The following COA8 variants were observed in gnomAD, a reference collection of about 807,000 sequenced individuals.
The protein encoded by COA8 is UPF0671 protein C14orf153.
A neutral mutation model predicts 22.0 loss-of-function variants in COA8; 20 were observed. The observed-to-expected ratio is 0.91, with a 90% CI of 0.64 to 1.32. COA8 has a LOEUF of 1.32. Ranked by LOEUF, COA8 falls within the 40% of genes most tolerant of loss-of-function variation. COA8 has a pLI of 0.00. For synonymous variants in COA8, 105 were observed against 79.9 expected (o/e 1.31, Z -1.68); for missense variants, 266 against 230.0 (o/e 1.16, Z -1.01).
chr14:103,564,473 C>T (rs1429925826), intron 1 of COA8, among the ~76,000 whole-genome samples: 1 of 151,882 alleles, frequency 6.6e-6, no homozygotes, highest in Non-Finnish European at 1.5e-5. Context: ...CAAGACATTT[C>T]CCGGGCGGGG....
chr14:103,569,264 T>C (rs921071374), intron 1 of COA8, among the ~76,000 whole-genome samples: 8 of 152,210 alleles, frequency 5.3e-5, no homozygotes, highest in African/African-American at 9.6e-5. Context: ...GTCCTCGCTT[T>C]TAAATAGTAG....
At chr14:103,574,309 C>G (rs1384862020) in intron 3 of COA8, 139 bp downstream of exon 3, 11 of 1,162,150 alleles carry the variant, frequency 9.5e-6, no homozygotes, top group African/African-American at 1.5e-5. Flanking sequence ...CTCGGCACAC[C>G]CCTGTCCAAG....
chr14:103,584,269 G>T (rs1023949798), intron 3 of COA8, among the ~76,000 whole-genome samples: 2 of 152,194 alleles, frequency 1.3e-5, no homozygotes, highest in South Asian at 4.1e-4. Context: ...TTTTATGGAG[G>T]TCTCATGAGG....
chr14:103,580,942 A>G (rs996667159), intron 3 of COA8, among the ~76,000 whole-genome samples: 1 of 151,948 alleles, frequency 6.6e-6, no homozygotes, highest in Non-Finnish European at 1.5e-5. Context: ...CATTATAGGC[A>G]TGTGCCACCA....
In COA8 at chr14:103,581,610, A is replaced by G. The variant is rs1187411015; in HGVS notation, c.386-5664A>G. On this transcript the variant is annotated intron_variant, in intron 3 of 4. Transcript: ENST00000409074. This position sits in a 1 kb window ranked among gnomAD's most constrained non-coding sequence, Gnocchi z 4.1. ...GGTAACTGAAACCATGGAAAGAAAA[A>G]CCATGGATGGAGGGGACAGCTGTGC... 1 of 398,690 alleles carries G rather than the reference A, an allele frequency of 2.5e-6. No individual in the cohort carries two copies. The highest frequency in any genetic ancestry group is 4.4e-5 in the Admixed American group (1 of 22,716). 24.7% of individuals were successfully genotyped at this position (398,690 alleles called of 1,614,324 possible).
chr14:103,579,304 T>C, intron 3 of COA8: 1 of 181,224 alleles, frequency 5.5e-6, no homozygotes, highest in Non-Finnish European at 1.2e-5. Context: ...GATTGAAAAA[T>C]ATTGAAAACA....
intron 3 of COA8, chr14:103,574,541 T>C (rs764851980): frequency 1.1e-4 from 49 of 447,748 alleles, no homozygotes; most frequent in Non-Finnish European, 2.1e-4. Flanking sequence ...CTGGTGTCAG[T>C]GTTAGGCCTG....
At chr14:103,582,753 T>TTTTTTTTTA (rs2076277852) in intron 3 of COA8, among the ~76,000 whole-genome samples, 3 of 150,856 alleles carry the variant, frequency 2.0e-5, no homozygotes, top group African/African-American at 7.3e-5. Context: ...TTTTTTTTTT[T>TTTTTTTTTA]GAGATGGAGT....
chr14:103,587,397 T>A, intron 4 of COA8, 33 bp downstream of exon 4: 1 of 1,466,296 alleles, frequency 6.8e-7, no homozygotes, highest in African/African-American at 1.4e-5. Context: ...AAAATTTGAA[T>A]AGCACATCCA....
chr14:103,587,029 T>A (rs1011621641), intron 3 of COA8, among the ~76,000 whole-genome samples: 19 of 152,178 alleles, frequency 1.2e-4, no homozygotes, highest in Admixed American at 6.6e-4. Context: ...AGTGTACACA[T>A]CTTACACGTC....
chr14:103,582,737 C>CTTT lies in COA8; in HGVS notation c.386-4523_386-4521dup, dbSNP rs61102383. Among the ~76,000 whole-genome samples the CTTT allele has an allele frequency of 5.0e-3, 604 of 120,908 alleles. 33 individuals are homozygous for CTTT. Among genetic ancestry groups the CTTT allele is most frequent in the African/African-American group, 0.015 (434 of 29,642 alleles). 79.3% of individuals were successfully genotyped at this position (120,908 alleles called of 152,430 possible). On this transcript the variant is annotated intron_variant, in intron 3 of 4. Transcript: ENST00000409074. ...TCACATACCATAAAATTCACCCTGC[C>CTTT]TTTTTTTTTTTTTTTTGAGATGGAG...
chr14:103,577,009 T>C (rs932777938), intron 3 of COA8, among the ~76,000 whole-genome samples: 2 of 152,194 alleles, frequency 1.3e-5, no homozygotes, highest in African/African-American at 2.4e-5. Context: ...ATAACACACA[T>C]TTATAGACAA....
At position 103,590,194 on chromosome 14, in the gene COA8, C is replaced by T. The variant is rs750908081; in HGVS notation, c.490C>T (p.Arg164Cys). 5.6e-6 allele frequency: 9 copies of T among 1,613,886 alleles called. No homozygotes were observed. Among genetic ancestry groups the T allele is most frequent in the South Asian group, 2.2e-5 (2 of 91,080 alleles). ...HMYYNRDWYK[R>C]NFAITFFMGK... Reference sequence around the variant, plus strand: ...GTTTCTCTACAGAGATTGGTACAAGCGCAATTTTGCCATCACCTTCTTCAT... The same window carrying T: ...GTTTCTCTACAGAGATTGGTACAAGTGCAATTTTGCCATCACCTTCTTCAT... Residue 164 changes from arginine (R) to cysteine (C), a missense_variant, in exon 5 of 5, where the codon CGC becomes TGC. Physicochemically the swap from Arg to Cys is radical, Grantham distance 180. Coordinates refer to ENST00000409074, the MANE Select transcript of COA8 (RefSeq NM_001370595.2).
At chr14:103,565,124 T>A (rs73361335) in intron 1 of COA8, among the ~76,000 whole-genome samples, 3,863 of 151,722 alleles carry the variant, frequency 0.025, 166 homozygotes, top group African/African-American at 0.088. Context: ...CCTGGTTAAT[T>A]TTTTTTTCTT....
rs547342566 is a variant in COA8, at chr14:103,574,428, T to C, written c.385+258T>C. The C allele has an allele frequency of 3.2e-5, 20 of 628,334 alleles. No individual in the cohort carries two copies. In the East Asian group the frequency reaches 6.0e-4, roughly 19 times the overall value. 38.9% of individuals were successfully genotyped at this position (628,334 alleles called of 1,614,324 possible). ...ATGACCAACCTCTGACCTTTGACTTTCGTACTGAGGTCTCAGCCTTTGCAG... is the reference window on the plus strand; with the variant it reads ...ATGACCAACCTCTGACCTTTGACTTCCGTACTGAGGTCTCAGCCTTTGCAG... On this transcript the variant is annotated intron_variant, in intron 3 of 4. Transcript: ENST00000409074.
chr14:103,574,272 C>A, intron 3 of COA8, 102 bp downstream of exon 3: 2 of 1,517,650 alleles, frequency 1.3e-6, no homozygotes, highest in Non-Finnish European at 1.8e-6. Context: ...AAGTTCAGGG[C>A]GGTCCTTGGC....
intron 1 of COA8, chr14:103,563,372 G>T (rs1340764662): frequency 3.0e-6 from 2 of 676,132 alleles, no homozygotes; most frequent in Non-Finnish European, 5.4e-6. Flanking sequence ...GCGTAACAGA[G>T]TCACCTGGCA....
chr14:103,571,750 G>C lies in COA8; in HGVS notation c.251G>C (p.Arg84Thr), dbSNP rs2076187666. The change falls in exon 2 of 5, where the codon AGA becomes ACA. Residue 84 changes from arginine (R) to threonine (T), a missense_variant. Physicochemically the swap from Arg to Thr is moderately conservative, Grantham distance 71. Transcript: ENST00000409074. ...ENESPLEQKL[R>T]KLRQETQEWN... is the part of the protein sequence containing the mutation. ...GAATCTCCATTGGAACAAAAGCTTA[G>C]AAAATTAAGACAAGAAACACAAGAA... The C allele has an allele frequency of 6.2e-7, 1 of 1,614,126 alleles. No homozygotes were observed. The highest frequency in any genetic ancestry group is 8.5e-7 in the Non-Finnish European group (1 of 1,180,020).
At chr14:103,571,907 C>G (rs1316943856) in intron 2 of COA8, 87 bp downstream of exon 2, 13 of 1,164,258 alleles carry the variant, frequency 1.1e-5, no homozygotes, top group Middle Eastern at 2.7e-4. Context: ...GTGGGCAGAT[C>G]ACGAGGTCAG....
Sources: allele counts gnomAD v4.1 joint callset (sites outside exome capture counted in the v4.1 genomes callset), GRCh38; gene constraint gnomAD v4.1.1; non-coding constraint Gnocchi (gnomAD v3.1); transcripts MANE v1.5; gene names NCBI Gene and HGNC (gene_info 2026-07-23, HGNC 2026-07-21).